The following AR variants were observed in gnomAD, a reference collection of about 807,000 sequenced individuals.
AR encodes dihydrotestosterone receptor.
AR carries 8 observed loss-of-function variants against 53.9 expected under a neutral mutation model. That is an observed-to-expected ratio of 0.15 (90% CI 0.09 to 0.27). The LOEUF (loss-of-function observed/expected upper bound fraction) is 0.27. Ranked by LOEUF, AR falls within the 10% of genes least tolerant of loss-of-function variation. The probability of loss-of-function intolerance (pLI) is 1.00; values close to 1 mark genes in which losing one functional copy is unlikely to be tolerated. For missense variants in AR, 639 were observed against 742.5 expected (o/e 0.86, Z 1.62); for synonymous variants, 359 against 316.4 (o/e 1.13, Z -1.43).
intron 1 of AR, among the ~76,000 whole-genome samples, chrX:67,570,081 C>T (rs1921746638): frequency 8.9e-6 from 1 of 112,011 alleles, no homozygotes; most frequent in South Asian, 3.7e-4. Context: ...GTGAGCATAT[C>T]CAACTCTGTC....
chrX:67,618,804 T>C (rs1049939805), intron 1 of AR, among the ~76,000 whole-genome samples: 1 of 110,377 alleles, frequency 9.1e-6, no homozygotes, highest in Non-Finnish European at 1.9e-5. Flanking sequence ...GTCATTGAAA[T>C]TGGAGGCAGT....
chrX:67,632,142 C>G (rs1925175094), intron 1 of AR, among the ~76,000 whole-genome samples: 1 of 113,029 alleles, frequency 8.8e-6, no homozygotes, highest in Non-Finnish European at 1.9e-5. Context: ...GCAGGCAGGC[C>G]TCCTTGAGCT....
intron 2 of AR, among the ~76,000 whole-genome samples, chrX:67,682,984 CAT>C (rs1387813253): frequency 2.7e-5 from 3 of 112,357 alleles, no homozygotes; most frequent in African/African-American, 9.7e-5. Context: ...TGAAGGAACA[CAT>C]GTGTCATGTG....
intron 2 of AR, among the ~76,000 whole-genome samples, chrX:67,645,792 C>A (rs1373353898): frequency 9.0e-6 from 1 of 110,988 alleles, no homozygotes; most frequent in Non-Finnish European, 1.9e-5. Flanking sequence ...CTGGTGTTTT[C>A]TTTCTCCTCC....
intron 1 of AR, among the ~76,000 whole-genome samples, chrX:67,626,875 G>A (rs1326452844): frequency 4.1e-5 from 4 of 97,553 alleles, no homozygotes; most frequent in Non-Finnish European, 6.1e-5. Flanking sequence ...GTGAGAACAT[G>A]CGGTGTTTGG....
intron 2 of AR, among the ~76,000 whole-genome samples, chrX:67,677,269 TG>T (rs924884400): frequency 8.9e-6 from 1 of 111,997 alleles, no homozygotes; most frequent in Non-Finnish European, 1.9e-5. Flanking sequence ...TTCCAGGACC[TG>T]GGCTGCTTCT....
intron 3 of AR, among the ~76,000 whole-genome samples, chrX:67,686,669 T>A (rs1269849271): frequency 8.9e-6 from 1 of 111,888 alleles, no homozygotes; most frequent in Non-Finnish European, 1.9e-5. Context: ...CAGAGCCAAT[T>A]TCCTATCCTA....
chrX:67,581,333 T>C (rs2046541267), intron 1 of AR, among the ~76,000 whole-genome samples: 1 of 111,986 alleles, frequency 8.9e-6, no homozygotes, highest in Non-Finnish European at 1.9e-5. Flanking sequence ...GTACCTCTTA[T>C]AGAATGTGAG....
At chrX:67,704,339 T>A (rs1280516884) in intron 3 of AR, among the ~76,000 whole-genome samples, 3 of 108,522 alleles carry the variant, frequency 2.8e-5, no homozygotes, top group Admixed American at 9.7e-5. Context: ...ATCGCCATTC[T>A]AACTGGTGTG....
chrX:67,661,037 T>A (rs1195100093), intron 2 of AR, among the ~76,000 whole-genome samples: 2 of 111,864 alleles, frequency 1.8e-5, no homozygotes, highest in Non-Finnish European at 3.8e-5. Flanking sequence ...TGCATAAGAA[T>A]GCTTGTGATT....
chrX:67,637,795 C>T (rs188193858), intron 1 of AR, among the ~76,000 whole-genome samples: 1 of 111,017 alleles, frequency 9.0e-6, no homozygotes, highest in Non-Finnish European at 1.9e-5. Flanking sequence ...GAGCTTTCTG[C>T]GTGTTTCCAT....
chrX:67,712,780 T>C (rs764167971), intron 4 of AR, among the ~76,000 whole-genome samples: 40 of 112,326 alleles, frequency 3.6e-4, no homozygotes, highest in Admixed American at 8.5e-4. Context: ...AAGATTCTTT[T>C]GAAATAACAA....
rs1373187946 is a variant in AR at position 67,724,269 on chromosome X, C to A, written c.*428C>A. The A allele has an allele frequency of 8.1e-6, 1 of 123,504 alleles. No individual in the cohort carries two copies. The highest frequency in any genetic ancestry group is 1.6e-5 in the Non-Finnish European group (1 of 63,287). 10.2% of individuals were successfully genotyped at this position (123,504 alleles called of 1,213,427 possible). A position where few individuals can be genotyped will look rare whatever the true frequency, so the allele number is the denominator to read the frequency against. The stretch of plus-strand genomic sequence containing the variant: ...TTATCTGGGGAAATCAAAACAAAAA[C>A]AAGCAAACAAAAAAAAAAAGCAAAA... On this transcript the variant is annotated 3_prime_UTR_variant, in exon 8 of 8. Coordinates refer to ENST00000374690, the MANE Select transcript of AR (RefSeq NM_000044.6).
intron 1 of AR, among the ~76,000 whole-genome samples, chrX:67,640,899 T>C (rs1925727066): frequency 1.8e-5 from 2 of 111,636 alleles, no homozygotes; most frequent in African/African-American, 6.5e-5. Context: ...TCTTTAGCAG[T>C]CTGCACTCTG....
intron 1 of AR, among the ~76,000 whole-genome samples, chrX:67,610,593 G>T (rs1923835674): frequency 9.0e-6 from 1 of 110,657 alleles, no homozygotes; most frequent in South Asian, 3.8e-4. Context: ...CAAAATTCCT[G>T]TTACACTATA....
chrX:67,704,114 A>ACG (rs1452371157), intron 3 of AR, among the ~76,000 whole-genome samples: 174 of 112,069 alleles, frequency 1.6e-3, no homozygotes, highest in African/African-American at 5.6e-3. Flanking sequence ...ATATGTGTGC[A>ACG]TGTACCTTTA....
chrX:67,598,619 G>A (rs1923193476), intron 1 of AR, among the ~76,000 whole-genome samples: 1 of 110,663 alleles, frequency 9.0e-6, no homozygotes, highest in African/African-American at 3.3e-5. Context: ...AGTAATGTTT[G>A]GTTTTGTTTG....
chrX:67,722,437 T>TAAG (rs1158929072), intron 6 of AR, among the ~76,000 whole-genome samples: 1 of 112,092 alleles, frequency 8.9e-6, no homozygotes, highest in African/African-American at 3.2e-5. Flanking sequence ...ATATCTTTTC[T>TAAG]AAGAGCCCTC....
chrX:67,667,617 T>G (rs1181193014), intron 2 of AR, among the ~76,000 whole-genome samples: 5 of 111,801 alleles, frequency 4.5e-5, no homozygotes, highest in Non-Finnish European at 9.4e-5. Context: ...GATATTTTGA[T>G]ATAAATTGCG....
Sources: gnomAD v4.1 joint callset for allele counts (sites outside exome capture counted in the v4.1 genomes callset) on GRCh38, gnomAD v4.1.1 for gene constraint, MANE v1.5 for transcripts, NCBI Gene and HGNC (gene_info 2026-07-23, HGNC 2026-07-21) for gene names.